GABBR2: variants seen among roughly 807,000 people sequenced by gnomAD.
GABBR2 encodes the protein gamma-aminobutyric acid type B receptor subunit 2.
In GABBR2, 23 loss-of-function variants were observed where a neutral mutation model predicts 105.6. The observed-to-expected ratio is 0.22, with a 90% CI of 0.16 to 0.31. GABBR2 has a LOEUF of 0.31. GABBR2 is among the 10% of genes least tolerant of loss of function. The pLI is 1.00. For synonymous variants in GABBR2, 478 were observed against 499.7 expected, an observed-to-expected ratio of 0.96 and a Z score of 0.58; for missense variants, 734 against 1,245.5, an observed-to-expected ratio of 0.59 and a Z score of 6.18.
At chr9:98,666,472 C>T (rs960682270) in intron 1 of GABBR2, among the ~76,000 whole-genome samples, 1 of 152,152 alleles carries the variant, frequency 6.6e-6, no homozygotes, top group African/African-American at 2.4e-5. Flanking sequence ...CTATTTTATG[C>T]CTGCACTGTC....
chr9:98,442,045 A>G (rs1198045058), intron 7 of GABBR2, among the ~76,000 whole-genome samples: 2 of 152,248 alleles, frequency 1.3e-5, no homozygotes, highest in African/African-American at 4.8e-5. Context: ...TCTACAAGGG[A>G]CATGGATAAT....
chr9:98,323,388 A>G (rs1830860343), intron 13 of GABBR2, among the ~76,000 whole-genome samples: 1 of 152,238 alleles, frequency 6.6e-6, no homozygotes, highest in Non-Finnish European at 1.5e-5. Context: ...GCCATAAATT[A>G]GACTTGATTG....
chr9:98,682,194 T>C (rs1830557920), intron 1 of GABBR2, among the ~76,000 whole-genome samples: 1 of 146,278 alleles, frequency 6.8e-6, no homozygotes. Context: ...GCCACTGCAC[T>C]CCAGCCTGGG....
At chr9:98,626,162 A>C (rs2131825211) in intron 1 of GABBR2, among the ~76,000 whole-genome samples, 1 of 152,346 alleles carries the variant, frequency 6.6e-6, no homozygotes, top group South Asian at 2.1e-4. Flanking sequence ...TATATTGTAT[A>C]ATTTCATTTA....
intron 5 of GABBR2, among the ~76,000 whole-genome samples, chr9:98,478,997 T>A (rs1826854276): frequency 6.6e-6 from 1 of 152,152 alleles, no homozygotes; most frequent in Admixed American, 6.5e-5. Flanking sequence ...ATTTGGACCA[T>A]TATTTTCCTT....
intron 11 of GABBR2, among the ~76,000 whole-genome samples, chr9:98,373,425 A>C (rs575792528): frequency 2.0e-5 from 3 of 152,168 alleles, no homozygotes; most frequent in Non-Finnish European, 4.4e-5. Context: ...ACCATGCCAC[A>C]CAGCTCCAGA....
At chr9:98,653,200 T>C (rs1480645961) in intron 1 of GABBR2, among the ~76,000 whole-genome samples, 1 of 152,184 alleles carries the variant, frequency 6.6e-6, no homozygotes, top group African/African-American at 2.4e-5. Context: ...AGTCTCTCTA[T>C]GTTACCTAGG....
chr9:98,582,050 G>A (rs1174645423), intron 1 of GABBR2, among the ~76,000 whole-genome samples: 2 of 152,108 alleles, frequency 1.3e-5, no homozygotes, highest in Middle Eastern at 3.2e-3. Flanking sequence ...CACCAGAGTG[G>A]GTGTGGCGGG....
At chr9:98,328,892 T>C (rs1830973652) in intron 13 of GABBR2, among the ~76,000 whole-genome samples, 1 of 152,202 alleles carries the variant, frequency 6.6e-6, no homozygotes, top group South Asian at 2.1e-4. Context: ...AGGTGCCAGC[T>C]TTGGAGCCAG....
At chr9:98,355,679 C>G (rs1315323931) in intron 13 of GABBR2, among the ~76,000 whole-genome samples, 4 of 152,116 alleles carry the variant, frequency 2.6e-5, no homozygotes, top group Non-Finnish European at 5.9e-5. Flanking sequence ...AGTGTAATCC[C>G]AATAAAAATC....
At chr9:98,369,902 C>T (rs967252754) in intron 12 of GABBR2, among the ~76,000 whole-genome samples, 1 of 152,058 alleles carries the variant, frequency 6.6e-6, no homozygotes, top group African/African-American at 2.4e-5. Context: ...TGGGAGGGAA[C>T]GCTTCCTCCA....
Position 98,700,104 on chromosome 9 carries a change from C to T in GABBR2, c.321+8313G>A, listed in dbSNP as rs543132232. Reference sequence around the variant, plus strand: ...CCCCTCCTGTGGCTGGGCTATACCACGTGTAATTGTTTTTGTCTATCTTGA... The same window carrying T: ...CCCCTCCTGTGGCTGGGCTATACCATGTGTAATTGTTTTTGTCTATCTTGA... On this transcript the variant is annotated intron_variant, in intron 1 of 18. Coordinates refer to ENST00000259455, the MANE Select transcript of GABBR2 (RefSeq NM_005458.8). 3.1e-4 allele frequency among the ~76,000 whole-genome samples: 47 copies of T among 152,266 alleles called. 1 individual carries two copies. In the South Asian group the frequency reaches 6.4e-3, roughly 21 times the overall value.
chr9:98,322,613 T>G (rs574230025), intron 13 of GABBR2, among the ~76,000 whole-genome samples: 2 of 107,396 alleles, frequency 1.9e-5, no homozygotes, highest in Non-Finnish European at 1.9e-5. Flanking sequence ...GACCCCCCCA[T>G]ACCCGTCCAG....
intron 7 of GABBR2, among the ~76,000 whole-genome samples, chr9:98,413,866 A>G (rs1307643591): frequency 1.3e-5 from 2 of 152,244 alleles, no homozygotes; most frequent in African/African-American, 4.8e-5. Context: ...TCCACTTATT[A>G]TAATAAGAGA....
intron 1 of GABBR2, among the ~76,000 whole-genome samples, chr9:98,593,628 G>C (rs1462673186): frequency 6.6e-6 from 1 of 152,124 alleles, no homozygotes; most frequent in Non-Finnish European, 1.5e-5. Context: ...GTGAGGCACT[G>C]GCCAGCTGCC....
chr9:98,402,252 G>A (rs1476979189), intron 8 of GABBR2, among the ~76,000 whole-genome samples: 2 of 152,132 alleles, frequency 1.3e-5, no homozygotes, highest in Non-Finnish European at 2.9e-5. Context: ...TCTAATCACG[G>A]CTTCACTCAA....
chr9:98,608,875 G>A (rs1408113739), intron 1 of GABBR2, among the ~76,000 whole-genome samples: 1 of 152,168 alleles, frequency 6.6e-6, no homozygotes, highest in African/African-American at 2.4e-5. Flanking sequence ...AACCAACAAG[G>A]AAACTTTCTT....
intron 13 of GABBR2, among the ~76,000 whole-genome samples, chr9:98,312,758 T>G (rs1185176567): frequency 6.6e-6 from 1 of 152,326 alleles, no homozygotes; most frequent in Middle Eastern, 3.4e-3. Context: ...TATATCAGTA[T>G]GTTCCTTTTT....
At chr9:98,502,588 C>T (rs1033150398) in intron 3 of GABBR2, among the ~76,000 whole-genome samples, 3 of 152,218 alleles carry the variant, frequency 2.0e-5, no homozygotes, top group African/African-American at 7.2e-5. Flanking sequence ...CCCTGCAACT[C>T]CCTGCTACCC....
Sources: allele counts gnomAD v4.1 joint callset (sites outside exome capture counted in the v4.1 genomes callset), GRCh38; gene constraint gnomAD v4.1.1; transcripts MANE v1.5; gene names NCBI Gene and HGNC (gene_info 2026-07-23, HGNC 2026-07-21).